Variants in GRID2 observed in about 807,000 individuals in gnomAD.
The protein encoded by GRID2 is glutamate ionotropic receptor delta type subunit 2.
In GRID2, 33 loss-of-function variants were observed where a neutral mutation model predicts 114.8. The ratio of observed to expected loss-of-function variants is 0.29; its 90% CI spans 0.22 to 0.38. The LOEUF (loss-of-function observed/expected upper bound fraction) is 0.38, where lower values mean the gene tolerates loss of function less well. GRID2 is among the 10% of genes least tolerant of loss of function. GRID2 has a pLI of 1.00. For missense variants in GRID2, 1,184 were observed against 1,257.7 expected (o/e 0.94, Z 0.89); for synonymous variants, 505 against 449.9 (o/e 1.12, Z -1.55).
intron 3 of GRID2, among the ~76,000 whole-genome samples, chr4:93,108,671 C>A (rs1390349024): frequency 1.3e-5 from 2 of 150,474 alleles, no homozygotes; most frequent in African/African-American, 2.4e-5. Context: ...CACTCTGTCA[C>A]CCAGGCTGGA....
intron 1 of GRID2, among the ~76,000 whole-genome samples, chr4:92,387,156 T>G (rs1046595293): frequency 1.6e-4 from 25 of 151,892 alleles, no homozygotes; most frequent in Non-Finnish European, 2.8e-4. Context: ...ATGTAAAACC[T>G]TATATACTCA....
intron 2 of GRID2, among the ~76,000 whole-genome samples, chr4:92,600,042 G>A (rs866791539): frequency 0.034 from 2,369 of 70,098 alleles, 50 homozygotes; most frequent in South Asian, 0.071. Flanking sequence ...GTGTGTGTGT[G>A]TGTATATATA....
intron 2 of GRID2, among the ~76,000 whole-genome samples, chr4:92,766,348 C>A (rs977843004): frequency 2.6e-5 from 4 of 151,958 alleles, no homozygotes; most frequent in African/African-American, 9.7e-5. Context: ...GCCATCCTGG[C>A]TAACATGGTG....
At chr4:93,245,640 G>A (rs750372749) in intron 8 of GRID2, among the ~76,000 whole-genome samples, 1 of 152,102 alleles carries the variant, frequency 6.6e-6, no homozygotes, top group South Asian at 2.1e-4. Flanking sequence ...GTGGAAAAAC[G>A]TGTAGCCTTT....
At chr4:93,328,098 A>T (rs930066247) in intron 8 of GRID2, among the ~76,000 whole-genome samples, 1 of 151,410 alleles carries the variant, frequency 6.6e-6, no homozygotes, top group African/African-American at 2.4e-5. Flanking sequence ...AGCCTGGGTG[A>T]ACGAGCAAGA....
intron 1 of GRID2, among the ~76,000 whole-genome samples, chr4:92,356,574 G>A (rs999108127): frequency 1.3e-5 from 2 of 151,384 alleles, no homozygotes; most frequent in Non-Finnish European, 3.0e-5. Context: ...CTCTGTACTT[G>A]TGTGTATGTG....
intron 2 of GRID2, among the ~76,000 whole-genome samples, chr4:93,052,952 G>T (rs1480344514): frequency 6.6e-6 from 1 of 151,852 alleles, no homozygotes; most frequent in Non-Finnish European, 1.5e-5. Context: ...TAGCAGTGTG[G>T]CAAAGAAGTT....
intron 2 of GRID2, among the ~76,000 whole-genome samples, chr4:92,606,179 C>T (rs1337437079): frequency 6.8e-6 from 1 of 148,050 alleles, no homozygotes; most frequent in East Asian, 2.1e-4. Context: ...GTTTTCTGTA[C>T]ACTTGTACAA....
At chr4:92,306,142 C>T (rs1272249065) in intron 1 of GRID2, among the ~76,000 whole-genome samples, 2 of 152,232 alleles carry the variant, frequency 1.3e-5, no homozygotes, top group Non-Finnish European at 1.5e-5. Context: ...AGTGGCCAGC[C>T]CCTCCGCTCC....
intron 2 of GRID2, among the ~76,000 whole-genome samples, chr4:92,775,526 G>A (rs1738750822): frequency 6.6e-6 from 1 of 152,110 alleles, no homozygotes; most frequent in African/African-American, 2.4e-5. Flanking sequence ...AAATTTCAGA[G>A]TATGCTAAAA....
intron 2 of GRID2, among the ~76,000 whole-genome samples, chr4:92,786,888 T>A (rs1013897858): frequency 6.6e-6 from 1 of 151,884 alleles, no homozygotes; most frequent in Admixed American, 6.6e-5. Context: ...ATCAGACAGC[T>A]AATTAAAAGA....
At chr4:92,900,471 A>C (rs752553086) in intron 2 of GRID2, among the ~76,000 whole-genome samples, 1 of 152,154 alleles carries the variant, frequency 6.6e-6, no homozygotes, top group Non-Finnish European at 1.5e-5. Context: ...GCAATGATTT[A>C]GCTTCCTCTT....
At chr4:93,614,927 C>G (rs758733232) in intron 13 of GRID2, among the ~76,000 whole-genome samples, 9 of 152,162 alleles carry the variant, frequency 5.9e-5, no homozygotes, top group Non-Finnish European at 1.2e-4. Context: ...TCTTTCTTCT[C>G]CGATAATACT....
intron 10 of GRID2, among the ~76,000 whole-genome samples, chr4:93,424,127 T>C (rs1388710379): frequency 6.6e-6 from 1 of 152,092 alleles, no homozygotes; most frequent in African/African-American, 2.4e-5. Flanking sequence ...TCCTTTTTGA[T>C]ATTGTGTTCA....
chr4:92,989,373 C>T (rs907946567), intron 2 of GRID2, among the ~76,000 whole-genome samples: 8 of 145,986 alleles, frequency 5.5e-5, no homozygotes, highest in African/African-American at 2.0e-4. Context: ...TGTATATGTA[C>T]ACATATGTAT....
rs376053561 is a variant in GRID2, at chr4:92,940,072, A to C, written c.245-144923A>C. Among the ~76,000 whole-genome samples, 419 of 146,572 alleles carry C rather than the reference A, an allele frequency of 2.9e-3. 48 individuals are homozygous for C. The highest frequency in any genetic ancestry group is 4.7e-3 in the Non-Finnish European group (314 of 66,234). On this transcript the variant is annotated intron_variant, in intron 2 of 15. Transcript: ENST00000282020. Reference sequence around the variant, plus strand: ...AGGCTCTTTTTTGGTTCCATATGAAATTTAAAGTAGTTTTTTCCAATTCTG... The same window carrying C: ...AGGCTCTTTTTTGGTTCCATATGAACTTTAAAGTAGTTTTTTCCAATTCTG...
intron 2 of GRID2, among the ~76,000 whole-genome samples, chr4:92,795,841 C>G (rs1170157729): frequency 6.6e-6 from 1 of 151,914 alleles, no homozygotes; most frequent in Non-Finnish European, 1.5e-5. Flanking sequence ...GTTAATTTAT[C>G]TGATGTGGTG....
At chr4:92,542,325 T>C (rs546166564) in intron 1 of GRID2, among the ~76,000 whole-genome samples, 1 of 152,220 alleles carries the variant, frequency 6.6e-6, no homozygotes, top group Non-Finnish European at 1.5e-5. Flanking sequence ...TATGAATCCA[T>C]TGTACCTAAA....
chr4:92,923,963 G>T (rs1047786458), intron 2 of GRID2, among the ~76,000 whole-genome samples: 1 of 152,016 alleles, frequency 6.6e-6, no homozygotes, highest in African/African-American at 2.4e-5. Flanking sequence ...TGTTTATTGC[G>T]GCACTATTCA....
Sources: allele counts gnomAD v4.1 joint callset (sites outside exome capture counted in the v4.1 genomes callset), GRCh38; gene constraint gnomAD v4.1.1; transcripts MANE v1.5; gene names NCBI Gene and HGNC (gene_info 2026-07-23, HGNC 2026-07-21).